Variants in ZFAND3 observed in about 807,000 individuals in gnomAD.
ZFAND3 encodes the protein zinc finger AN1-type containing 3.
Under a neutral mutation model 29.6 loss-of-function variants are expected in ZFAND3, and 10 were observed. The observed-to-expected ratio is 0.34, with a 90% CI of 0.21 to 0.57. The LOEUF (loss-of-function observed/expected upper bound fraction) is 0.57, where lower values mean the gene tolerates loss of function less well. Among genes scored for constraint, ZFAND3 ranks in the 20% least tolerant of loss-of-function variants. The pLI, the probability that ZFAND3 is intolerant of heterozygous loss-of-function variation, is 0.86. For synonymous variants in ZFAND3, 128 were observed against 112.6 expected (o/e 1.14, Z -0.87); for missense variants, 230 against 304.5 (o/e 0.76, Z 1.82).
At chr6:37,925,239 G>A (rs187783171) in intron 1 of ZFAND3, among the ~76,000 whole-genome samples, 2 of 152,290 alleles carry the variant, frequency 1.3e-5, no homozygotes, top group East Asian at 3.9e-4. Context: ...GAATGGGAAC[G>A]AGAAGACCAA....
intron 2 of ZFAND3, among the ~76,000 whole-genome samples, chr6:37,965,457 A>C (rs924271713): frequency 6.6e-6 from 1 of 152,166 alleles, no homozygotes; most frequent in African/African-American, 2.4e-5. Context: ...AGTAGCCGGG[A>C]GTTCATATAT....
chr6:37,890,640 A>G (rs1012927500), intron 1 of ZFAND3, among the ~76,000 whole-genome samples: 4 of 152,238 alleles, frequency 2.6e-5, no homozygotes, highest in African/African-American at 9.6e-5. Flanking sequence ...AAAGGTACTC[A>G]AAGTGTCGGA....
intron 1 of ZFAND3, among the ~76,000 whole-genome samples, chr6:37,916,437 A>G (rs1384425707): frequency 1.3e-5 from 2 of 152,102 alleles, no homozygotes; most frequent in East Asian, 3.9e-4. Context: ...AGGCAGGCAG[A>G]TCACGAGGTC....
chr6:37,864,736 TATACACAC>T (rs1042434129), intron 1 of ZFAND3, among the ~76,000 whole-genome samples: 1 of 77,626 alleles, frequency 1.3e-5, no homozygotes, highest in African/African-American at 7.5e-5. Context: ...TATATGTGGT[TATACACAC>T]ACACACACAC....
At chr6:37,841,956 GCAAGGT>G (rs1011798717) in intron 1 of ZFAND3, among the ~76,000 whole-genome samples, 3 of 152,110 alleles carry the variant, frequency 2.0e-5, no homozygotes, top group Non-Finnish European at 4.4e-5. Context: ...GTTCTGGAGG[GCAAGGT>G]CAAGGTACTG....
intron 4 of ZFAND3, among the ~76,000 whole-genome samples, chr6:38,093,002 A>G (rs145579490): frequency 1.3e-5 from 2 of 152,296 alleles, no homozygotes; most frequent in African/African-American, 4.8e-5. Context: ...GGTGTATCTC[A>G]GTTTTGAAGA....
intron 2 of ZFAND3, among the ~76,000 whole-genome samples, chr6:38,017,701 A>T (rs984562350): frequency 6.9e-6 from 1 of 144,814 alleles, no homozygotes; most frequent in African/African-American, 2.5e-5. Context: ...TGCTCCCATT[A>T]AAAAAAAAAA....
chr6:37,836,123 G>C (rs932882538), intron 1 of ZFAND3, among the ~76,000 whole-genome samples: 2 of 152,174 alleles, frequency 1.3e-5, no homozygotes, highest in African/African-American at 2.4e-5. Flanking sequence ...AGTCACATAA[G>C]AAGTATTGTT....
At chr6:38,099,806 T>C (rs1231739950) in intron 4 of ZFAND3, among the ~76,000 whole-genome samples, 1 of 152,216 alleles carries the variant, frequency 6.6e-6, no homozygotes, top group Non-Finnish European at 1.5e-5. Flanking sequence ...CTGCTTTTTT[T>C]CTAGAGGAAG....
intron 1 of ZFAND3, among the ~76,000 whole-genome samples, chr6:37,913,499 C>G (rs144639485): frequency 4.8e-4 from 73 of 152,248 alleles, no homozygotes; most frequent in African/African-American, 1.7e-3. Context: ...TCCACCACAT[C>G]TACAGTTATT....
chr6:38,097,249 A>ATTT (rs1190146160), intron 4 of ZFAND3, among the ~76,000 whole-genome samples: 9,665 of 123,352 alleles, frequency 0.078, 463 homozygotes, highest in East Asian at 0.22. Flanking sequence ...TTAATTTTTC[A>ATTT]TTTTTTTTTT....
chr6:37,929,704 C>A (rs990137532), intron 1 of ZFAND3, among the ~76,000 whole-genome samples: 12 of 151,452 alleles, frequency 7.9e-5, no homozygotes, highest in African/African-American at 2.9e-4. Context: ...TAAATAAAAG[C>A]AAACATTGGC....
intron 3 of ZFAND3, among the ~76,000 whole-genome samples, chr6:38,076,898 A>G (rs1025568069): frequency 6.6e-6 from 1 of 152,184 alleles, no homozygotes; most frequent in South Asian, 2.1e-4. Flanking sequence ...TGTGCATTCT[A>G]CTGTGTACCT....
chr6:38,107,844 A>C (rs1050453157), intron 4 of ZFAND3, among the ~76,000 whole-genome samples: 11 of 152,100 alleles, frequency 7.2e-5, no homozygotes, highest in Admixed American at 3.3e-4. Context: ...AAGTTACAGG[A>C]TACCATTGAT....
At chr6:38,111,236 A>G (rs1765309956) in intron 4 of ZFAND3, among the ~76,000 whole-genome samples, 2 of 152,180 alleles carry the variant, frequency 1.3e-5, no homozygotes, top group African/African-American at 2.4e-5. Flanking sequence ...CCAGCCCACC[A>G]TATCCATGGG....
intron 1 of ZFAND3, among the ~76,000 whole-genome samples, chr6:37,840,916 A>T (rs1254972797): frequency 2.0e-5 from 3 of 152,242 alleles, no homozygotes; most frequent in Non-Finnish European, 4.4e-5. Context: ...CAGGAAGATT[A>T]ATTATTTTAA....
intron 5 of ZFAND3, among the ~76,000 whole-genome samples, 153 bp from the exon 6 acceptor site, chr6:38,152,082 A>C (rs542102519): frequency 6.6e-6 from 1 of 152,256 alleles, no homozygotes. Flanking sequence ...CAGGTGTTGG[A>C]GTGAGCTCTC....
At chr6:38,128,220 C>T (rs76671681) in intron 5 of ZFAND3, among the ~76,000 whole-genome samples, 10,118 of 152,220 alleles carry the variant, frequency 0.066, 451 homozygotes, top group Middle Eastern at 0.11. Context: ...ATGTCCTTTC[C>T]AAAGCCTTTA....
intron 3 of ZFAND3, among the ~76,000 whole-genome samples, chr6:38,062,838 A>G (rs1308983958): frequency 1.3e-5 from 2 of 151,962 alleles, no homozygotes; most frequent in Non-Finnish European, 2.9e-5. Context: ...GCCTTTTAAA[A>G]GCTCTACTTG....
Sources: allele counts gnomAD v4.1 joint callset (sites outside exome capture counted in the v4.1 genomes callset), GRCh38; gene constraint gnomAD v4.1.1; transcripts MANE v1.5; gene names NCBI Gene and HGNC (gene_info 2026-07-23, HGNC 2026-07-21).